The following RERG variants were observed in gnomAD, a reference collection of about 807,000 sequenced individuals.
RERG encodes RAS like estrogen regulated growth inhibitor, also known as ras-related and estrogen-regulated growth inhibitor.
RERG carries 25 observed loss-of-function variants against 23.2 expected under a neutral mutation model. The ratio of observed to expected loss-of-function variants is 1.08; its 90% CI spans 0.79 to 1.50. RERG has a LOEUF of 1.50. RERG is among the 40% of genes most tolerant of loss of function. The pLI is 0.00. For missense variants in RERG, 253 were observed against 250.1 expected (o/e 1.01, Z -0.08); for synonymous variants, 81 against 89.1 (o/e 0.91, Z 0.51).
chr12:15,113,103 C>A (rs548348473), intron 3 of RERG, among the ~76,000 whole-genome samples: 1 of 152,242 alleles, frequency 6.6e-6, no homozygotes, highest in East Asian at 1.9e-4. Context: ...CCTGGCATTA[C>A]AATTCTAGAT....
At chr12:15,166,889 T>C (rs1265667068) in intron 2 of RERG, among the ~76,000 whole-genome samples, 6 of 152,024 alleles carry the variant, frequency 3.9e-5, no homozygotes, top group East Asian at 1.9e-4. Flanking sequence ...TTAGGGTACA[T>C]GTGCACATTG....
chr12:15,184,181 G>T (rs932278551), intron 2 of RERG, among the ~76,000 whole-genome samples: 4 of 152,098 alleles, frequency 2.6e-5, no homozygotes, highest in African/African-American at 9.7e-5. Context: ...AGATATAGAA[G>T]AAGAAAATAT....
chr12:15,187,587 T>C (rs991443972), intron 2 of RERG, among the ~76,000 whole-genome samples: 2 of 151,998 alleles, frequency 1.3e-5, no homozygotes, highest in Non-Finnish European at 2.9e-5. Context: ...AGATGGAGTT[T>C]TGCTGTTGTC....
intron 2 of RERG, among the ~76,000 whole-genome samples, chr12:15,208,226 C>T (rs1449042340): frequency 1.3e-5 from 2 of 152,120 alleles, no homozygotes; most frequent in African/African-American, 4.8e-5. Context: ...TCAAAAGAGA[C>T]AATTGCTTTG....
At chr12:15,126,917 A>C (rs1004512117) in intron 2 of RERG, among the ~76,000 whole-genome samples, 1 of 151,828 alleles carries the variant, frequency 6.6e-6, no homozygotes, top group African/African-American at 2.4e-5. Context: ...ACAGAGTTTC[A>C]CCGTGTTAGC....
intron 2 of RERG, among the ~76,000 whole-genome samples, chr12:15,177,830 CCTCT>C (rs373507445): frequency 4.1e-5 from 6 of 145,854 alleles, no homozygotes; most frequent in African/African-American, 1.0e-4. Flanking sequence ...TCTCTGGCTC[CCTCT>C]GTTTGTTTTT....
chr12:15,142,704 G>C (rs12582188), intron 2 of RERG, among the ~76,000 whole-genome samples: 2 of 151,858 alleles, frequency 1.3e-5, no homozygotes, highest in African/African-American at 4.8e-5. Flanking sequence ...AGAAGAGAGA[G>C]GGGGGGTAGG....
intron 2 of RERG, 38 bp downstream of exon 2, chr12:15,217,385 TCACCCA>T: frequency 7.8e-7 from 1 of 1,288,358 alleles, no homozygotes; most frequent in Non-Finnish European, 1.1e-6. Context: ...AGAAACACAC[TCACCCA>T]CACACACACA....
intron 3 of RERG, among the ~76,000 whole-genome samples, chr12:15,113,948 C>T (rs1863671037): frequency 6.6e-6 from 1 of 151,846 alleles, no homozygotes; most frequent in South Asian, 2.1e-4. Flanking sequence ...CACAAATTTA[C>T]CAAGGCCTTA....
chr12:15,124,809 A>T (rs533354590), intron 2 of RERG, among the ~76,000 whole-genome samples: 3 of 152,088 alleles, frequency 2.0e-5, no homozygotes, highest in Admixed American at 2.0e-4. Flanking sequence ...AATGTAACTA[A>T]AAGTGTTTAA....
intron 2 of RERG, among the ~76,000 whole-genome samples, chr12:15,189,508 A>G (rs1565532643): frequency 1.3e-5 from 2 of 152,116 alleles, no homozygotes; most frequent in East Asian, 3.9e-4. Flanking sequence ...GCAACTCTTA[A>G]TATTATTTTT....
chr12:15,192,936 T>C (rs2136135869), intron 2 of RERG, among the ~76,000 whole-genome samples: 1 of 152,304 alleles, frequency 6.6e-6, no homozygotes, highest in Non-Finnish European at 1.5e-5. Context: ...TGTCAGTATG[T>C]CTCATTCCTA....
At chr12:15,137,348 G>A (rs1030657533) in intron 2 of RERG, among the ~76,000 whole-genome samples, 2 of 151,426 alleles carry the variant, frequency 1.3e-5, no homozygotes, top group African/African-American at 4.8e-5. Flanking sequence ...TTTAATTGAT[G>A]TATTTAGATC....
chr12:15,206,035 A>G (rs867982616), intron 2 of RERG, among the ~76,000 whole-genome samples: 7 of 152,118 alleles, frequency 4.6e-5, no homozygotes, highest in Non-Finnish European at 1.0e-4. Flanking sequence ...CTGAGATTCT[A>G]TCAGCAGAAA....
chr12:15,215,333 T>C (rs1368624180), intron 2 of RERG, among the ~76,000 whole-genome samples: 2 of 152,122 alleles, frequency 1.3e-5, no homozygotes, highest in Non-Finnish European at 2.9e-5. Flanking sequence ...TATAGAACCC[T>C]GGAAGCTTCA....
chr12:15,115,789 A>G (rs1197212131), intron 3 of RERG, among the ~76,000 whole-genome samples: 1 of 152,046 alleles, frequency 6.6e-6, no homozygotes, highest in Non-Finnish European at 1.5e-5. Flanking sequence ...CTGTTACTTT[A>G]CTGTAAATAT....
At chr12:15,138,567 CT>C (rs1312675529) in intron 2 of RERG, among the ~76,000 whole-genome samples, 2 of 151,978 alleles carry the variant, frequency 1.3e-5, no homozygotes, top group Non-Finnish European at 2.9e-5. Context: ...CTTAGAATTT[CT>C]ATTTACATTA....
rs545148305 is a variant in RERG at position 15,126,964 on chromosome 12, C to T, written c.62-5845G>A. 1.1e-4 allele frequency among the ~76,000 whole-genome samples: 17 copies of T among 152,128 alleles called. 1 individual carries two copies. The highest frequency in any genetic ancestry group is 1.1e-3 in the Admixed American group (17 of 15,278). On this transcript the variant is annotated intron_variant, in intron 2 of 4. Coordinates refer to ENST00000256953, the MANE Select transcript of RERG (RefSeq NM_032918.3). ...TGATCTCCTGACCTTGTGATCCGCC[C>T]GCTTCAGCCTCCCAAAGTGCTGGGA...
rs544852513 is a variant in RERG, at chr12:15,147,067, C to CAA, written c.62-25950_62-25949dup. On this transcript the variant is annotated intron_variant, in intron 2 of 4. Transcript: ENST00000256953. ...GCTTCTAAATCTAATTCAGTGAAGC[C>CAA]AAAAAAAAAAAAAAAAATTTAAGGC... Among the ~76,000 whole-genome samples the CAA allele has an allele frequency of 9.8e-3, 1,039 of 105,636 alleles. 8 individuals carry two copies. The highest frequency in any genetic ancestry group is 0.029 in the African/African-American group (970 of 32,886). 69.3% of individuals were successfully genotyped at this position (105,636 alleles called of 152,430 possible). A position where few individuals can be genotyped will look rare whatever the true frequency, so the allele number is the denominator to read the frequency against.
Sources: gnomAD v4.1 joint callset for allele counts (sites outside exome capture counted in the v4.1 genomes callset) on GRCh38, gnomAD v4.1.1 for gene constraint, MANE v1.5 for transcripts, NCBI Gene and HGNC (gene_info 2026-07-23, HGNC 2026-07-21) for gene names.